The following NPSR1 variants were observed in gnomAD, a reference collection of about 807,000 sequenced individuals.
The protein encoded by NPSR1 is neuropeptide S receptor 1.
NPSR1 carries 48 observed loss-of-function variants against 46.9 expected under a neutral mutation model. The observed-to-expected ratio is 1.02, with a 90% CI of 0.81 to 1.30. The LOEUF (loss-of-function observed/expected upper bound fraction) is 1.30, where lower values mean the gene tolerates loss of function less well. Among genes scored for constraint, NPSR1 ranks in the 50% most tolerant of loss-of-function variants. The pLI, the probability that NPSR1 is intolerant of heterozygous loss-of-function variation, is 0.00. For missense variants in NPSR1, 450 were observed against 449.5 expected, an observed-to-expected ratio of 1.00 and a Z score of -0.01; for synonymous variants, 176 against 168.1, an observed-to-expected ratio of 1.05 and a Z score of -0.36.
intron 7 of NPSR1, among the ~76,000 whole-genome samples, chr7:34,846,091 A>G (rs551250701): frequency 6.6e-6 from 1 of 152,330 alleles, no homozygotes; most frequent in Admixed American, 6.5e-5. Context: ...GATAAAACAT[A>G]TACAACCCAC....
intron 2 of NPSR1, chr7:34,703,885 T>C (rs1328242864): frequency 7.8e-6 from 1 of 127,804 alleles, no homozygotes; most frequent in African/African-American, 3.2e-5. Context: ...TAAGAGTAAC[T>C]CCCGATGAGT....
chr7:34,738,552 G>A (rs1424141488), intron 2 of NPSR1, among the ~76,000 whole-genome samples: 1 of 152,000 alleles, frequency 6.6e-6, no homozygotes, highest in African/African-American at 2.4e-5. Flanking sequence ...ACATCAAATA[G>A]TTTGTTTTTG....
intron 4 of NPSR1, 45 bp downstream of exon 4, chr7:34,811,908 G>A (rs767009460): frequency 2.5e-5 from 31 of 1,233,634 alleles, no homozygotes; most frequent in Non-Finnish European, 3.3e-5. Context: ...AACTGTCCTT[G>A]AGTGAGGGTA....
chr7:34,678,852 G>T (rs1177498661), intron 1 of NPSR1, among the ~76,000 whole-genome samples: 9 of 146,478 alleles, frequency 6.1e-5, no homozygotes, highest in African/African-American at 2.3e-4. Flanking sequence ...AAAAAAAAAA[G>T]AAATTCTTAT....
chr7:34,712,365 C>T (rs1438791219), intron 2 of NPSR1, among the ~76,000 whole-genome samples: 1 of 152,102 alleles, frequency 6.6e-6, no homozygotes, highest in Admixed American at 6.6e-5. Flanking sequence ...CTTTTCTATG[C>T]CTTCTTCACA....
At chr7:34,720,053 G>A (rs973930204) in intron 2 of NPSR1, among the ~76,000 whole-genome samples, 14 of 151,916 alleles carry the variant, frequency 9.2e-5, no homozygotes, top group African/African-American at 2.2e-4. Flanking sequence ...AGGCCGAGGC[G>A]GGTGGATCAT....
At position 34,668,775 on chromosome 7, in the gene NPSR1, C is replaced by T. The variant is rs1025005058; in HGVS notation, c.147+10216C>T. Among the ~76,000 whole-genome samples, 9 of 152,158 alleles carry T rather than the reference C, an allele frequency of 5.9e-5. No individual in the cohort carries two copies. The South Asian group carries it at 6.2e-4, about 11-fold the overall frequency. ...CAAGAGCTAGAGAGATACAGAGTAA[C>T]GAACCTTGCCCTGGCTCTCATAAGC... On this transcript the variant is annotated intron_variant, in intron 1 of 8. Coordinates refer to ENST00000360581, the MANE Select transcript of NPSR1 (RefSeq NM_207172.2).
intron 8 of NPSR1, among the ~76,000 whole-genome samples, chr7:34,855,676 T>TA (rs1236566615): frequency 6.6e-6 from 1 of 151,876 alleles, no homozygotes; most frequent in East Asian, 1.9e-4. Flanking sequence ...TTTATGAGGC[T>TA]AAAAAAACCT....
At chr7:34,722,472 G>A (rs935135086) in intron 2 of NPSR1, among the ~76,000 whole-genome samples, 1 of 152,176 alleles carries the variant, frequency 6.6e-6, no homozygotes, top group African/African-American at 2.4e-5. Context: ...GATTTTGCAT[G>A]CTTATTATGT....
chr7:34,718,219 G>A (rs373504986), intron 2 of NPSR1, among the ~76,000 whole-genome samples: 6 of 152,038 alleles, frequency 3.9e-5, no homozygotes, highest in East Asian at 3.8e-4. Flanking sequence ...AATGTAATAC[G>A]TTATGCTAAA....
Position 34,687,594 on chromosome 7 carries a change from A to G in NPSR1, c.280+2910A>G, listed in dbSNP as rs184649234. On this transcript the variant is annotated intron_variant, in intron 2 of 8. Coordinates refer to ENST00000360581, the MANE Select transcript of NPSR1 (RefSeq NM_207172.2). ...GTGAGACTCACTCATTATCACAACAACAGCATAGGGAAACCGCCCTCATGA... is the reference window on the plus strand; with the variant it reads ...GTGAGACTCACTCATTATCACAACAGCAGCATAGGGAAACCGCCCTCATGA... Among the ~76,000 whole-genome samples the G allele has an allele frequency of 2.1e-3, 316 of 152,278 alleles. 3 individuals carry two copies. The highest frequency in any genetic ancestry group is 7.0e-3 in the African/African-American group (291 of 41,558).
chr7:34,790,159 AAAT>A (rs2128742455), intron 3 of NPSR1, among the ~76,000 whole-genome samples: 1 of 152,260 alleles, frequency 6.6e-6, no homozygotes, highest in African/African-American at 2.4e-5. Context: ...AGCACACTTG[AAAT>A]ATTATTCACC....
intron 8 of NPSR1, among the ~76,000 whole-genome samples, chr7:34,858,574 A>G (rs919635095): frequency 2.0e-5 from 3 of 151,956 alleles, no homozygotes; most frequent in African/African-American, 7.3e-5. Flanking sequence ...CTGAGACTGG[A>G]CAATTTACAA....
At chr7:34,799,395 AG>A (rs1421813878) in intron 3 of NPSR1, among the ~76,000 whole-genome samples, 3 of 152,144 alleles carry the variant, frequency 2.0e-5, no homozygotes, top group Non-Finnish European at 2.9e-5. Context: ...AGGCTAATCA[AG>A]AAAAGAAGAG....
At chr7:34,701,966 A>C (rs1793851652) in intron 2 of NPSR1, among the ~76,000 whole-genome samples, 1 of 152,222 alleles carries the variant, frequency 6.6e-6, no homozygotes, top group African/African-American at 2.4e-5. Flanking sequence ...ACATAACATA[A>C]AATCCAAATA....
chr7:34,760,047 T>G (rs180677414), intron 2 of NPSR1, among the ~76,000 whole-genome samples: 1 of 152,254 alleles, frequency 6.6e-6, no homozygotes, highest in African/African-American at 2.4e-5. Context: ...AGTGAGAATC[T>G]AATATATTAG....
intron 2 of NPSR1, among the ~76,000 whole-genome samples, chr7:34,747,088 G>A (rs1785239273): frequency 7.0e-6 from 1 of 143,686 alleles, no homozygotes; most frequent in Admixed American, 7.3e-5. Flanking sequence ...CTGCGCCACT[G>A]CACTCCAGCC....
intron 1 of NPSR1, among the ~76,000 whole-genome samples, chr7:34,680,973 T>C (rs993372018): frequency 1.3e-5 from 2 of 151,870 alleles, no homozygotes; most frequent in Admixed American, 1.3e-4. Context: ...TGGTAATAAT[T>C]ATATGGGCTT....
chr7:34,765,022 CA>C (rs1377784803), intron 2 of NPSR1, among the ~76,000 whole-genome samples: 2 of 152,090 alleles, frequency 1.3e-5, no homozygotes, highest in African/African-American at 4.8e-5. Flanking sequence ...TAAAACCCTT[CA>C]GCGTCTCAGC....
Sources: gnomAD v4.1 joint callset for allele counts (sites outside exome capture counted in the v4.1 genomes callset) on GRCh38, gnomAD v4.1.1 for gene constraint, MANE v1.5 for transcripts, NCBI Gene and HGNC (gene_info 2026-07-23, HGNC 2026-07-21) for gene names.